The following TANC1 variants were observed in gnomAD, a reference collection of about 807,000 sequenced individuals.
TANC1 encodes the protein tetratricopeptide repeat, ankyrin repeat and coiled-coil containing 1.
In TANC1, 77 loss-of-function variants were observed where a neutral mutation model predicts 149.7. That is an observed-to-expected ratio of 0.51 (90% confidence interval 0.43 to 0.62). The LOEUF (loss-of-function observed/expected upper bound fraction) is 0.62, where lower values mean the gene tolerates loss of function less well. TANC1 is among the 20% of genes least tolerant of loss of function. The pLI, the probability that TANC1 is intolerant of heterozygous loss-of-function variation, is 0.00. For missense variants in TANC1, 1,985 were observed against 2,321.8 expected (o/e 0.85, Z 2.98); for synonymous variants, 854 against 925.0 (o/e 0.92, Z 1.39).
At chr2:159,126,579 A>C (rs1333637960) in intron 4 of TANC1, among the ~76,000 whole-genome samples, 4 of 152,218 alleles carry the variant, frequency 2.6e-5, no homozygotes, top group African/African-American at 7.2e-5. Flanking sequence ...AGTTAACATA[A>C]CCTGCTCTTG....
rs73969461 is a variant in TANC1 at position 159,147,021 on chromosome 2, C to A, written c.365-2121C>A. ...CAGCAGCCACTGTGCTGGGGTGTTG[C>A]GGTCCCCCTGCTGCACATAGGACCT... On this transcript the variant is annotated intron_variant, in intron 5 of 26. Coordinates refer to ENST00000263635, the MANE Select transcript of TANC1 (RefSeq NM_033394.3). Among the ~76,000 whole-genome samples, 1,005 of 152,230 alleles carry A rather than the reference C, an allele frequency of 6.6e-3. 9 individuals carry two copies. The highest frequency in any genetic ancestry group is 0.023 in the African/African-American group (949 of 41,550).
intron 19 of TANC1, among the ~76,000 whole-genome samples, chr2:159,211,630 C>G (rs1321855718): frequency 2.0e-5 from 3 of 152,228 alleles, no homozygotes; most frequent in Non-Finnish European, 4.4e-5. Context: ...TCTTCAGTCT[C>G]TCTTGTGTTC....
At chr2:159,203,128 C>T (rs1283205341) in intron 19 of TANC1, among the ~76,000 whole-genome samples, 3 of 152,154 alleles carry the variant, frequency 2.0e-5, no homozygotes, top group Admixed American at 6.5e-5. Context: ...AGCCTTAACC[C>T]TCTCCACTCC....
chr2:159,165,199 T>C (rs2054464309), intron 8 of TANC1, among the ~76,000 whole-genome samples: 1 of 152,224 alleles, frequency 6.6e-6, no homozygotes, highest in African/African-American at 2.4e-5. Flanking sequence ...CGATGTTCTT[T>C]ATGGGTCTCC....
intron 2 of TANC1, among the ~76,000 whole-genome samples, chr2:159,061,978 CTG>C (rs1404289428): frequency 6.6e-6 from 1 of 152,172 alleles, no homozygotes; most frequent in Non-Finnish European, 1.5e-5. Context: ...TAGTTCACAC[CTG>C]TAATCCCAGC....
rs76138504 is a variant in TANC1 at position 158,983,786 on chromosome 2, C to T, written c.-126+15004C>T. ...CTAGAGAAGAGGATGGTCAGTGCTTCATTCAAGATCCTCACAGTGGAGAAA... is the reference window on the plus strand; with the variant it reads ...CTAGAGAAGAGGATGGTCAGTGCTTTATTCAAGATCCTCACAGTGGAGAAA... On this transcript the variant is annotated intron_variant, in intron 1 of 26. Coordinates refer to ENST00000263635, the MANE Select transcript of TANC1 (RefSeq NM_033394.3). Among the ~76,000 whole-genome samples the T allele has an allele frequency of 1.7e-3, 263 of 152,296 alleles. 7 individuals are homozygous for T. The East Asian group carries it at 0.048, about 28-fold the overall frequency.
At chr2:159,137,399 A>G (rs114829093) in intron 5 of TANC1, among the ~76,000 whole-genome samples, 344 of 152,322 alleles carry the variant, frequency 2.3e-3, no homozygotes, top group African/African-American at 7.9e-3. Flanking sequence ...AGATGGGGCC[A>G]GGCACTGGGC....
rs2056207487 is a variant in TANC1, at chr2:159,179,255, G to T, written c.2510+92G>T. On this transcript the variant is annotated intron_variant, in intron 14 of 26. Coordinates refer to ENST00000263635, the MANE Select transcript of TANC1 (RefSeq NM_033394.3). ...ATGTGATGCACGTGTCTCAATGGAA[G>T]GGCAATCCAGAATGACTAATTCAGT... 3 of 1,467,552 alleles carry T rather than the reference G, an allele frequency of 2.0e-6. No homozygotes were observed. The African/African-American group carries it at 4.2e-5, about 21-fold the overall frequency. 90.9% of individuals were successfully genotyped at this position (1,467,552 alleles called of 1,614,324 possible).
chr2:159,175,244 TCC>T, intron 12 of TANC1, 60 bp downstream of exon 12: 1 of 1,422,960 alleles, frequency 7.0e-7, no homozygotes, highest in Non-Finnish European at 9.9e-7. Context: ...ACACAGGTGG[TCC>T]CCAGAAGGCA....
intron 22 of TANC1, among the ~76,000 whole-genome samples, chr2:159,222,266 A>G (rs1239604273): frequency 6.6e-6 from 1 of 152,218 alleles, no homozygotes; most frequent in Non-Finnish European, 1.5e-5. Flanking sequence ...AACACATAGC[A>G]TAAAATTTAC....
At chr2:159,116,950 A>T (rs1212922182) in intron 4 of TANC1, among the ~76,000 whole-genome samples, 1 of 152,216 alleles carries the variant, frequency 6.6e-6, no homozygotes, top group Non-Finnish European at 1.5e-5. Flanking sequence ...CTAATTCCAA[A>T]GCCTGGGTCA....
At chr2:159,062,338 G>A (rs2042294631) in intron 2 of TANC1, among the ~76,000 whole-genome samples, 1 of 152,204 alleles carries the variant, frequency 6.6e-6, no homozygotes, top group Admixed American at 6.5e-5. Context: ...TTATCCATAA[G>A]TACTTCCTTA....
chr2:159,219,975 AGAGTGTGTGTGTGTGTGTGTGTGTGTGT>A, intron 22 of TANC1, 108 bp downstream of exon 22: 2 of 745,464 alleles, frequency 2.7e-6, no homozygotes, highest in South Asian at 2.0e-5. Flanking sequence ...GTGTCATCAG[AGAGTGTGTGTGTGTGTGTGTGTGTGTGT>A]GTGTGTGTGT....
intron 2 of TANC1, among the ~76,000 whole-genome samples, chr2:159,009,977 A>G (rs1302051084): frequency 6.6e-6 from 1 of 152,216 alleles, no homozygotes; most frequent in Non-Finnish European, 1.5e-5. Flanking sequence ...TGAATTAACA[A>G]TTAAAATATT....
intron 2 of TANC1, among the ~76,000 whole-genome samples, chr2:159,024,192 G>T (rs915226601): frequency 6.6e-6 from 1 of 152,164 alleles, no homozygotes; most frequent in East Asian, 1.9e-4. Context: ...AACATGGCAT[G>T]TGTATGCAAT....
At chr2:158,980,847 T>A (rs2034225443) in intron 1 of TANC1, among the ~76,000 whole-genome samples, 1 of 152,060 alleles carries the variant, frequency 6.6e-6, no homozygotes, top group Non-Finnish European at 1.5e-5. Flanking sequence ...CAAGATTCAA[T>A]CAAGGTTCAC....
In TANC1 at chr2:159,207,683, A is replaced by C. The variant is rs949431830; in HGVS notation, c.3244+8630A>C. Among the ~76,000 whole-genome samples, 5 of 121,142 alleles carry C rather than the reference A, an allele frequency of 4.1e-5. No homozygotes were observed. The Admixed American group carries it at 5.3e-4, about 13-fold the overall frequency. 79.5% of individuals were successfully genotyped at this position (121,142 alleles called of 152,430 possible). On this transcript the variant is annotated intron_variant, in intron 19 of 26. Transcript: ENST00000263635. The stretch of plus-strand genomic sequence containing the variant: ...CACTGTACTCCAGCCTGGGCGACTG[A>C]GCAACACGTGTCTCAAAAAAAAAAA...
intron 5 of TANC1, among the ~76,000 whole-genome samples, chr2:159,136,520 T>C (rs1270464366): frequency 1.3e-5 from 2 of 152,206 alleles, no homozygotes; most frequent in Non-Finnish European, 2.9e-5. Context: ...TATGCATTAT[T>C]TAAGGATTGA....
At chr2:159,033,041 C>T (rs1360713373) in intron 2 of TANC1, among the ~76,000 whole-genome samples, 2 of 152,128 alleles carry the variant, frequency 1.3e-5, no homozygotes, top group African/African-American at 2.4e-5. Context: ...AAGCCTTGGC[C>T]GGTCCGTCAG....
Sources: allele counts gnomAD v4.1 joint callset (sites outside exome capture counted in the v4.1 genomes callset), GRCh38; gene constraint gnomAD v4.1.1; transcripts MANE v1.5; gene names NCBI Gene and HGNC (gene_info 2026-07-23, HGNC 2026-07-21).